The following AGA variants were observed in gnomAD, a reference collection of about 807,000 sequenced individuals.
AGA encodes the protein N(4)-(beta-N-acetylglucosaminyl)-L-asparaginase.
A neutral mutation model predicts 40.1 loss-of-function variants in AGA; 31 were observed. The ratio of observed to expected loss-of-function variants is 0.77; its 90% CI spans 0.58 to 1.04. AGA has a LOEUF of 1.04. AGA is among the 50% of genes least tolerant of loss of function. AGA has a pLI of 0.00. For missense variants in AGA, 445 were observed against 435.4 expected (o/e 1.02, Z -0.20); for synonymous variants, 148 against 144.0 (o/e 1.03, Z -0.20).
At position 177,442,301 on chromosome 4, in the gene AGA, G is replaced by A. The variant is rs146683705; in HGVS notation, c.75C>T (p.Ser25=). 1.2e-5 allele frequency: 20 copies of A among 1,613,976 alleles called. No individual in the cohort carries two copies. Among genetic ancestry groups the A allele is most frequent in the African/African-American group, 6.7e-5 (5 of 74,938 alleles). ...AAGTGTTGACGACCAGGGGCAGAGG[G>A]CTGGAGCAGCGCACTAGGGCCTGGC... is the stretch of plus-strand genomic sequence containing the variant. The part of the protein sequence containing the change: ...LLCQALVRCS[S]PLPLVVNTWP... Residue 25 remains serine, a synonymous_variant, in exon 1 of 9, where the codon AGC becomes AGT. Transcript: ENST00000264595.
Position 177,437,447 on chromosome 4 carries a change from T to C in AGA, c.580A>G (p.Ile194Val). ...CGATCATCTTCTGTTTCTTTATGGA[T>C]AGGAATATCCTGCTTTAAGATACCA... ...PPGILKQDIP[I>V]HKETEDDRGH... Residue 194 changes from isoleucine to valine, a missense_variant, in exon 5 of 9, where the codon ATC becomes GTC. Transcript: ENST00000264595. 6.2e-7 allele frequency: 1 copy of C among 1,613,554 alleles called. No individual in the cohort carries two copies.
rs1186906637 is a variant in AGA, at chr4:177,430,874, G to A, written c.*834C>T. ...AAAGCACGCGCACAACTTCTGTAGA[G>A]TTGTCATACAGAGAGTTAATCAGAA... On this transcript the variant is annotated 3_prime_UTR_variant, in exon 9 of 9. Transcript: ENST00000264595. 1 of 454,060 alleles carries A rather than the reference G, an allele frequency of 2.2e-6. No individual in the cohort carries two copies. The highest frequency in any genetic ancestry group is 4.4e-6 in the Non-Finnish European group (1 of 226,774). 28.1% of individuals were successfully genotyped at this position (454,060 alleles called of 1,614,324 possible).
rs779831120 is a variant in AGA, at chr4:177,430,809, T to A, written c.*899A>T. The A allele has an allele frequency of 2.2e-6, 1 of 453,934 alleles. No individual in the cohort carries two copies. Among genetic ancestry groups the A allele is most frequent in the Middle Eastern group, 6.9e-4 (1 of 1,444 alleles). The allele number at this position is 453,934 out of a possible 1,614,324, so 28.1% of individuals were successfully genotyped here. ...GTACATGTACATTTATTAATGACTG[T>A]TGATTAAAAAGATGATTTTGAAGGA... is the stretch of plus-strand genomic sequence containing the variant. On this transcript the variant is annotated 3_prime_UTR_variant, in exon 9 of 9. Coordinates refer to ENST00000264595, the MANE Select transcript of AGA (RefSeq NM_000027.4).
rs1736730616 is a variant in AGA, at chr4:177,434,387, C to T, written c.801G>A (p.Leu267=). 6.2e-7 allele frequency: 1 copy of T among 1,613,792 alleles called. No individual in the cohort carries two copies. The highest frequency in any genetic ancestry group is 8.5e-7 in the Non-Finnish European group (1 of 1,179,672). The part of the protein sequence containing the change: ...TGNGDILMRF[L]PSYQAVEYMR... ...CACAAACTAAGAAGTCATACCTTGG[C>T]AGGAAGCGCATCAATATATCACCAT... Residue 267 remains leucine, a synonymous_variant, in exon 7 of 9, where the codon CTG becomes CTA. Transcript: ENST00000264595.
At chr4:177,433,156 T>C (rs1736682203) in intron 8 of AGA, 58 bp downstream of exon 8, 4 of 1,606,766 alleles carry the variant, frequency 2.5e-6, no homozygotes, top group Admixed American at 1.7e-5. Context: ...ATTTAAAAAG[T>C]GTATGTTTTA....
At chr4:177,437,126 G>T in intron 5 of AGA, 1 of 385,676 alleles carries the variant, frequency 2.6e-6, no homozygotes, top group Non-Finnish European at 4.8e-6. Context: ...GTTATTTAAG[G>T]TCACTAAAAT....
intron 4 of AGA, 146 bp downstream of exon 4, chr4:177,438,599 C>CT: frequency 1.5e-6 from 1 of 683,390 alleles, no homozygotes. Context: ...ACATCCATAC[C>CT]TGGAGAGTCA....
At chr4:177,437,337 T>C (rs973516263) in intron 5 of AGA, 68 bp downstream of exon 5, 3 of 1,080,842 alleles carry the variant, frequency 2.8e-6, no homozygotes, top group African/African-American at 3.1e-5. Context: ...GGTAGAAGAA[T>C]AGGGAAGAGC....
chr4:177,440,833 T>C (rs13133517), intron 1 of AGA, among the ~76,000 whole-genome samples: 47,236 of 152,072 alleles, frequency 0.31, 7,520 homozygotes, highest in Non-Finnish European at 0.34. Context: ...ATATGCATAA[T>C]TGATATGTGT....
chr4:177,434,940 C>A (rs553775246), intron 6 of AGA, among the ~76,000 whole-genome samples: 9 of 151,854 alleles, frequency 5.9e-5, no homozygotes, highest in African/African-American at 1.7e-4. Flanking sequence ...TGCTCTGTCA[C>A]CCAGCTGGAG....
At chr4:177,431,850 T>C (rs774848948) in intron 8 of AGA, 42 bp from the exon 9 acceptor site, 2 of 1,505,884 alleles carry the variant, frequency 1.3e-6, no homozygotes, top group Non-Finnish European at 1.8e-6. Flanking sequence ...AACTATAGGA[T>C]GCACATATTT....
intron 1 of AGA, among the ~76,000 whole-genome samples, chr4:177,441,820 T>C (rs545423994): frequency 6.6e-6 from 1 of 151,684 alleles, no homozygotes; most frequent in Non-Finnish European, 1.5e-5. Flanking sequence ...GGGAAAAGAG[T>C]AGGCTATGGC....
chr4:177,438,268 C>T (rs762092961), intron 4 of AGA, among the ~76,000 whole-genome samples: 18 of 152,176 alleles, frequency 1.2e-4, no homozygotes, highest in Non-Finnish European at 2.2e-4. Context: ...GGACCCTGTA[C>T]GGCAAAGGCA....
chr4:177,432,996 G>C (rs1360103861), intron 8 of AGA, among the ~76,000 whole-genome samples: 1 of 152,154 alleles, frequency 6.6e-6, no homozygotes, highest in Non-Finnish European at 1.5e-5. Flanking sequence ...ACTAGTCAGA[G>C]ACTGGGTCAT....
chr4:177,436,081 C>G (rs1736805779), intron 6 of AGA, among the ~76,000 whole-genome samples, 195 bp downstream of exon 6: 9 of 152,158 alleles, frequency 5.9e-5, no homozygotes. Context: ...ATCACCTCTG[C>G]CACCCCTAAA....
chr4:177,437,803 C>T (rs2111016443), intron 4 of AGA, among the ~76,000 whole-genome samples: 1 of 152,142 alleles, frequency 6.6e-6, no homozygotes, highest in Admixed American at 6.5e-5. Context: ...ATCTAAAATT[C>T]TCAACACAAT....
intron 7 of AGA, among the ~76,000 whole-genome samples, chr4:177,434,031 T>G (rs1736713826): frequency 6.6e-6 from 1 of 152,176 alleles, no homozygotes; most frequent in Non-Finnish European, 1.5e-5. Flanking sequence ...CTCATTCTTG[T>G]TGCCCACACT....
In AGA at chr4:177,442,235, C is replaced by T. The variant is rs772131486; in HGVS notation, c.127+14G>A. 5 of 1,613,192 alleles carry T rather than the reference C, an allele frequency of 3.1e-6. No individual in the cohort carries two copies. Among genetic ancestry groups the T allele is most frequent in the East Asian group, 2.2e-5 (1 of 44,840 alleles). Reference sequence around the variant, plus strand: ...CTCGCGGCGCAGCCGCCCGCCCAGGCCGCCAACCCGCACCTGCTTCGGTTG... The same window carrying T: ...CTCGCGGCGCAGCCGCCCGCCCAGGTCGCCAACCCGCACCTGCTTCGGTTG... On this transcript the variant is annotated intron_variant, in intron 1 of 8. Coordinates refer to ENST00000264595, the MANE Select transcript of AGA (RefSeq NM_000027.4).
In AGA at chr4:177,430,817, A is replaced by C; in HGVS notation, c.*891T>G. 2.2e-6 allele frequency: 1 copy of C among 454,004 alleles called. No homozygotes were observed. Among genetic ancestry groups the C allele is most frequent in the Non-Finnish European group, 4.4e-6 (1 of 226,682 alleles). 28.1% of individuals were successfully genotyped at this position (454,004 alleles called of 1,614,324 possible). On this transcript the variant is annotated 3_prime_UTR_variant, in exon 9 of 9. Coordinates refer to ENST00000264595, the MANE Select transcript of AGA (RefSeq NM_000027.4). The stretch of plus-strand genomic sequence containing the variant: ...ACATTTATTAATGACTGTTGATTAA[A>C]AAGATGATTTTGAAGGAAAAATGCT...
Sources: gnomAD v4.1 joint callset for allele counts (sites outside exome capture counted in the v4.1 genomes callset) on GRCh38, gnomAD v4.1.1 for gene constraint, MANE v1.5 for transcripts, NCBI Gene and HGNC (gene_info 2026-07-23, HGNC 2026-07-21) for gene names.